ZBED5: variants seen among roughly 807,000 people sequenced by gnomAD.
The protein encoded by ZBED5 is zinc finger BED-type containing 5.
In ZBED5, 29 loss-of-function variants were observed where a neutral mutation model predicts 49.2. The ratio of observed to expected loss-of-function variants is 0.59; its 90% CI spans 0.44 to 0.80. ZBED5 has a LOEUF of 0.80. Among genes scored for constraint, ZBED5 ranks in the 30% least tolerant of loss-of-function variants. The probability of loss-of-function intolerance (pLI) is 0.00; values close to 1 mark genes in which losing one functional copy is unlikely to be tolerated. For missense variants in ZBED5, 775 were observed against 812.9 expected (o/e 0.95, Z 0.57); for synonymous variants, 281 against 292.5 (o/e 0.96, Z 0.40).
rs1450629445 is a variant in ZBED5, at chr11:10,854,351, T to C, written c.595A>G (p.Asn199Asp). ...DNESATEASY[N>D]VSYHIALSGE... ...CTCAGCGCTATATGGTAACTTACAT[T>C]GTATGATGCTTCTGTAGCACTTTCA... Residue 199 changes from asparagine (N) to aspartate (D), a missense_variant, in exon 3 of 3, where the codon AAT (asparagine) becomes GAT (aspartate). Coordinates refer to ENST00000413761, the MANE Select transcript of ZBED5 (RefSeq NM_001143667.2). This position sits in a 1 kb window ranked among gnomAD's most constrained non-coding sequence, Gnocchi z 5.0. The C allele has an allele frequency of 1.2e-5, 19 of 1,550,754 alleles. No homozygotes were observed. The highest frequency in any genetic ancestry group is 1.7e-5 in the Non-Finnish European group (19 of 1,146,932).
In ZBED5 at chr11:10,852,998, A is replaced by G. The variant is rs760538819; in HGVS notation, c.1948T>C (p.Tyr650His). Residue 650 changes from tyrosine (Y) to histidine (H), a missense_variant, in exon 3 of 3, where the codon TAT (tyrosine) becomes CAT (histidine). Tyr to His is a moderately conservative substitution (Grantham distance 83). Coordinates refer to ENST00000413761, the MANE Select transcript of ZBED5 (RefSeq NM_001143667.2). The part of the protein sequence containing the change: ...TMHLCETGFS[Y>H]YAATKTKYRK... ...TATTTTGTTTTTGTTGCAGCGTAAT[A>G]TGAAAACCCCGTTTCACACAGGTGC... 1.9e-6 allele frequency: 3 copies of G among 1,551,694 alleles called. No individual in the cohort carries two copies. The highest frequency in any genetic ancestry group is 2.6e-6 in the Non-Finnish European group (3 of 1,146,956).
At chr11:10,856,322 G>A (rs1057514437) in intron 1 of ZBED5, 65 bp from the exon 2 acceptor site, 1 of 152,152 alleles carries the variant, frequency 6.6e-6, no homozygotes, top group Non-Finnish European at 1.5e-5. Flanking sequence ...CCCGTAAGAT[G>A]GGTTTATTCT....
rs1848205792 is a variant in ZBED5 at position 10,857,816 on chromosome 11, A to G, written c.-256+46T>C. 1 of 152,492 alleles carries G rather than the reference A, an allele frequency of 6.6e-6. No individual in the cohort carries two copies. The highest frequency in any genetic ancestry group is 2.1e-4 in the South Asian group (1 of 4,840). The allele number at this position is 152,492 out of a possible 1,614,324, so 9.4% of individuals were successfully genotyped here. ...TCTTAGGCAGTTCCAGGAAGCGGCC[A>G]TTTCAGAGCGCACCGCTTAGCCGCG... On this transcript the variant is annotated intron_variant, in intron 1 of 2. Coordinates refer to ENST00000413761, the MANE Select transcript of ZBED5 (RefSeq NM_001143667.2). The surrounding 1 kb of genome is among the most constrained non-coding windows in gnomAD (Gnocchi z 6.3).
rs900946872 is a variant in ZBED5, at chr11:10,853,719, G to A, written c.1227C>T (p.Ser409=). 1 of 1,551,594 alleles carries A rather than the reference G, an allele frequency of 6.4e-7. No individual in the cohort carries two copies. The highest frequency in any genetic ancestry group is 8.7e-7 in the Non-Finnish European group (1 of 1,146,934). The change falls in exon 3 of 3, where the codon TCC becomes TCT. Residue 409 remains serine (S), a synonymous_variant. Transcript: ENST00000413761. This position sits in a 1 kb window ranked among gnomAD's most constrained non-coding sequence, Gnocchi z 5.4. ...CCTCACATAAAATTTTTAATAGTCTGGATTGATGTGGTCGAGCTTTAATAT... is the reference window on the plus strand; with the variant it reads ...CCTCACATAAAATTTTTAATAGTCTAGATTGATGTGGTCGAGCTTTAATAT... The part of the protein sequence containing the change: ...INYIKARPHQ[S]RLLKILCEEM...
rs1240119502 is a variant in ZBED5 at position 10,857,936 on chromosome 11, GA to G, written c.-331del. 1 of 169,340 alleles carries G rather than the reference GA, an allele frequency of 5.9e-6. No homozygotes were observed. Among genetic ancestry groups the G allele is most frequent in the Non-Finnish European group, 1.3e-5 (1 of 79,800 alleles). The allele number at this position is 169,340 out of a possible 1,614,324, so 10.5% of individuals were successfully genotyped here. On this transcript the variant is annotated 5_prime_UTR_variant, in exon 1 of 3. Transcript: ENST00000413761. This position sits in a 1 kb window ranked among gnomAD's most constrained non-coding sequence, Gnocchi z 6.3. ...GGGGAGGGGAGAGAGGGAGGGGAAT[GA>G]AAAACAAAACAGAGAGGAAAGAAGG...
chr11:10,856,557 G>C (rs543924770), intron 1 of ZBED5, among the ~76,000 whole-genome samples: 1 of 152,246 alleles, frequency 6.6e-6, no homozygotes, highest in East Asian at 1.9e-4. Context: ...ATTTTTAAAA[G>C]TACAACCTCA....
chr11:10,853,591 A>G lies in ZBED5; in HGVS notation c.1355T>C (p.Leu452Ser). ...VRLFELRREL[L>S]VFMDSAFRLS... ...TCGAAAAGCAGAATCCATGAAAACC[A>G]AAAGTTCACGACGAAGTTCAAAAAG... Residue 452 changes from leucine (L) to serine (S), a missense_variant, in exon 3 of 3, where the codon TTG becomes TCG. Coordinates refer to ENST00000413761, the MANE Select transcript of ZBED5 (RefSeq NM_001143667.2). This position sits in a 1 kb window ranked among gnomAD's most constrained non-coding sequence, Gnocchi z 5.4. The G allele has an allele frequency of 5.2e-6, 8 of 1,551,006 alleles. No homozygotes were observed. Among genetic ancestry groups the G allele is most frequent in the African/African-American group, 1.4e-5 (1 of 73,048 alleles).
At chr11:10,856,770 C>G (rs1351710056) in intron 1 of ZBED5, among the ~76,000 whole-genome samples, 2 of 152,136 alleles carry the variant, frequency 1.3e-5, no homozygotes, top group African/African-American at 2.4e-5. Context: ...TATGAAGACA[C>G]AAGGATTATT....
rs989483418 is a variant in ZBED5 at position 10,854,604 on chromosome 11, A to T, written c.342T>A (p.Tyr114Ter). Residue 114 changes from tyrosine (Y) to a stop codon, truncating the protein, a stop_gained, in exon 3 of 3, where the codon TAT (tyrosine) becomes TAA (stop). Coordinates refer to ENST00000413761, the MANE Select transcript of ZBED5 (RefSeq NM_001143667.2). LOFTEE classifies it high-confidence loss of function. The surrounding 1 kb of genome is among the most constrained non-coding windows in gnomAD (Gnocchi z 5.0). The part of the protein sequence containing the change: ...KPKRRKYDES[Y>*]LSFGFTYFGN... ...CGAAGTAAGTAAATCCAAAAGACAA[A>T]TAACTTTCATCATATTTTCTTCTTT... 2 of 1,551,016 alleles carry T rather than the reference A, an allele frequency of 1.3e-6. No individual in the cohort carries two copies. The highest frequency in any genetic ancestry group is 2.7e-5 in the African/African-American group (2 of 72,990).
At chr11:10,856,915 C>G (rs1288444021) in intron 1 of ZBED5, among the ~76,000 whole-genome samples, 1 of 152,182 alleles carries the variant, frequency 6.6e-6, no homozygotes, top group Non-Finnish European at 1.5e-5. Context: ...TTGGGTGTTC[C>G]TGAATACTTT....
In ZBED5 at chr11:10,857,427, G is replaced by A. The variant is rs1270337383; in HGVS notation, c.-256+435C>T. On this transcript the variant is annotated intron_variant, in intron 1 of 2. Transcript: ENST00000413761. This position sits in a 1 kb window ranked among gnomAD's most constrained non-coding sequence, Gnocchi z 6.3. ...CAATACCCTCAGGGTCAGGAGGACAGGATCTGAGTGCAGGCCAGCCAAAAA... is the reference window on the plus strand; with the variant it reads ...CAATACCCTCAGGGTCAGGAGGACAAGATCTGAGTGCAGGCCAGCCAAAAA... The A allele has an allele frequency of 6.6e-6, 1 of 152,330 alleles. No homozygotes were observed. Among genetic ancestry groups the A allele is most frequent in the East Asian group, 1.9e-4 (1 of 5,200 alleles). 9.4% of individuals were successfully genotyped at this position (152,330 alleles called of 1,614,324 possible). A position where few individuals can be genotyped will look rare whatever the true frequency, so the allele number is the denominator to read the frequency against.
chr11:10,854,461 T>C lies in ZBED5; in HGVS notation c.485A>G (p.Asp162Gly). 1 of 1,551,480 alleles carries C rather than the reference T, an allele frequency of 6.4e-7. No individual in the cohort carries two copies. The highest frequency in any genetic ancestry group is 8.7e-7 in the Non-Finnish European group (1 of 1,146,902). The change falls in exon 3 of 3, where the codon GAC becomes GGC. Residue 162 changes from aspartate (D) to glycine (G), a missense_variant. Physicochemically the swap from Asp to Gly is moderately conservative, Grantham distance 94 (BLOSUM62 -1). Transcript: ENST00000413761. This position sits in a 1 kb window ranked among gnomAD's most constrained non-coding sequence, Gnocchi z 5.0. Reference sequence around the variant, plus strand: ...TTGCTTGAAAAAGCTTATGTCTTTGTCTTTATATGCAGCATGTTTAGTTTC... The same window carrying C: ...TTGCTTGAAAAAGCTTATGTCTTTGCCTTTATATGCAGCATGTTTAGTTTC... ...HLETKHAAYK[D>G]KDISFFKQHL...
Position 10,853,102 on chromosome 11 carries a change from T to G in ZBED5, c.1844A>C (p.Asp615Ala), listed in dbSNP as rs1028673689. ...KQNFSELSLN[D>A]FWSSLIQEYP... ...TTCCTGAATTAGGCTACTCCAAAAA[T>G]CATTTAGTGAAAGTTCACTAAAATT... Residue 615 changes from aspartate (D) to alanine (A), a missense_variant, in exon 3 of 3, where the codon GAT (aspartate) becomes GCT (alanine). Transcript: ENST00000413761. The surrounding 1 kb of genome is among the most constrained non-coding windows in gnomAD (Gnocchi z 5.4). The G allele has an allele frequency of 1.3e-6, 2 of 1,551,558 alleles. No individual in the cohort carries two copies. Among genetic ancestry groups the G allele is most frequent in the African/African-American group, 1.4e-5 (1 of 73,046 alleles).
chr11:10,853,431 CA>C lies in ZBED5; in HGVS notation c.1514del (p.Met505SerfsTer5). On this transcript the variant is annotated frameshift_variant, in exon 3 of 3. Transcript: ENST00000413761. LOFTEE classifies it high-confidence loss of function. This position sits in a 1 kb window ranked among gnomAD's most constrained non-coding sequence, Gnocchi z 5.4. ...NVTVFTVFDK[M>X]SSLLRKLEFW... The stretch of plus-strand genomic sequence containing the variant: ...ATTCCAATTTTCTTAACAATGACGA[CA>C]TTTTATCAAATACTGTAAAAACGGT... The C allele has an allele frequency of 6.5e-7, 1 of 1,549,914 alleles. No homozygotes were observed. Among genetic ancestry groups the C allele is most frequent in the Non-Finnish European group, 8.7e-7 (1 of 1,146,136 alleles).
In ZBED5 at chr11:10,853,343, T is replaced by A; in HGVS notation, c.1603A>T (p.Thr535Ser). ...DCFPTLSDFL[T>S]EINSTVDKDI... The stretch of plus-strand genomic sequence containing the variant: ...TTATCAACTGTAGAATTAATTTCAG[T>A]CAAAAAATCACTGAGTGTAGGAAAA... The change falls in exon 3 of 3, where the codon ACT becomes TCT. Residue 535 changes from threonine to serine, a missense_variant. Thr to Ser is a moderately conservative substitution (Grantham distance 58, BLOSUM62 1). Coordinates refer to ENST00000413761, the MANE Select transcript of ZBED5 (RefSeq NM_001143667.2). The surrounding 1 kb of genome is among the most constrained non-coding windows in gnomAD (Gnocchi z 5.4). 1 of 1,551,550 alleles carries A rather than the reference T, an allele frequency of 6.4e-7. No homozygotes were observed. Among genetic ancestry groups the A allele is most frequent in the South Asian group, 1.2e-5 (1 of 84,048 alleles).
Position 10,853,435 on chromosome 11 carries a change from T to G in ZBED5, c.1511A>C (p.Lys504Thr). 1 of 1,550,018 alleles carries G rather than the reference T, an allele frequency of 6.5e-7. No individual in the cohort carries two copies. Among genetic ancestry groups the G allele is most frequent in the Non-Finnish European group, 8.7e-7 (1 of 1,146,208 alleles). The change falls in exon 3 of 3, where the codon AAA (lysine) becomes ACA (threonine). Residue 504 changes from lysine (K) to threonine (T), a missense_variant. Transcript: ENST00000413761. This position sits in a 1 kb window ranked among gnomAD's most constrained non-coding sequence, Gnocchi z 5.4. ...KNVTVFTVFD[K>T]MSSLLRKLEF... Reference sequence around the variant, plus strand: ...CAATTTTCTTAACAATGACGACATTTTATCAAATACTGTAAAAACGGTCAC... The same window carrying G: ...CAATTTTCTTAACAATGACGACATTGTATCAAATACTGTAAAAACGGTCAC...
In ZBED5 at chr11:10,853,101, A is replaced by G. The variant is rs532401563; in HGVS notation, c.1845T>C (p.Asp615=). ...ATTCCTGAATTAGGCTACTCCAAAA[A>G]TCATTTAGTGAAAGTTCACTAAAAT... The part of the protein sequence containing the change: ...KQNFSELSLN[D]FWSSLIQEYP... The change falls in exon 3 of 3, where the codon GAT becomes GAC. Residue 615 remains aspartate, a synonymous_variant. Transcript: ENST00000413761. The surrounding 1 kb of genome is among the most constrained non-coding windows in gnomAD (Gnocchi z 5.4). 312 of 1,551,554 alleles carry G rather than the reference A, an allele frequency of 2.0e-4. No individual in the cohort carries two copies. The highest frequency in any genetic ancestry group is 2.6e-4 in the Non-Finnish European group (301 of 1,146,980).
chr11:10,854,186 C>A lies in ZBED5; in HGVS notation c.760G>T (p.Asp254Tyr). 1 of 1,551,050 alleles carries A rather than the reference C, an allele frequency of 6.4e-7. No individual in the cohort carries two copies. The highest frequency in any genetic ancestry group is 8.7e-7 in the Non-Finnish European group (1 of 1,146,562). ...TCTTCTTCAATGTCAGCAGCTAGAT[C>A]CTTAATTCGACGTGCAACAGTACTG... ...SNSTVARRIK[D>Y]LAADIEEELV... is the part of the protein sequence containing the mutation. Residue 254 changes from aspartate to tyrosine, a missense_variant, in exon 3 of 3, where the codon GAT (aspartate) becomes TAT (tyrosine). Asp to Tyr is a radical substitution (Grantham distance 160). Transcript: ENST00000413761. This position sits in a 1 kb window ranked among gnomAD's most constrained non-coding sequence, Gnocchi z 5.0.
At chr11:10,856,825 C>G (rs77876344) in intron 1 of ZBED5, among the ~76,000 whole-genome samples, 2 of 152,326 alleles carry the variant, frequency 1.3e-5, no homozygotes, top group African/African-American at 2.4e-5. Context: ...TAACACATCT[C>G]GCTAACACCT....
Sources: allele counts gnomAD v4.1 joint callset (sites outside exome capture counted in the v4.1 genomes callset), GRCh38; gene constraint gnomAD v4.1.1; non-coding constraint Gnocchi (gnomAD v3.1); transcripts MANE v1.5; gene names NCBI Gene and HGNC (gene_info 2026-07-23, HGNC 2026-07-21).